Variants in INTS1 observed in about 807,000 individuals in gnomAD.
The protein encoded by INTS1 is integrator complex subunit 1.
INTS1 carries 137 observed loss-of-function variants against 241.6 expected under a neutral mutation model. The ratio of observed to expected loss-of-function variants is 0.57; its 90% CI spans 0.49 to 0.65. The LOEUF (loss-of-function observed/expected upper bound fraction) is 0.65. Among genes scored for constraint, INTS1 ranks in the 30% least tolerant of loss-of-function variants. The probability of loss-of-function intolerance (pLI) is 0.00; values close to 1 mark genes in which losing one functional copy is unlikely to be tolerated. For synonymous variants in INTS1, 1,692 were observed against 1,337.8 expected (o/e 1.26, Z -5.78); for missense variants, 3,073 against 3,032.2 (o/e 1.01, Z -0.32).
Position 1,476,573 on chromosome 7 carries a change from C to A in INTS1, c.5148G>T (p.Pro1716=). 1 of 1,612,550 alleles carries A rather than the reference C, an allele frequency of 6.2e-7. No homozygotes were observed. The highest frequency in any genetic ancestry group is 8.5e-7 in the Non-Finnish European group (1 of 1,179,838). The change falls in exon 37 of 48, where the codon CCG becomes CCT. Residue 1716 remains proline (P), a synonymous_variant. Coordinates refer to ENST00000404767, the MANE Select transcript of INTS1 (RefSeq NM_001080453.3). ...GGGCCACCCTCCCAAGACCTGCCTG[C>A]GGGGTGCGCTGGTCCCGCCCCTGCC... ...RIWQGRDQRT[P]QKRREELVLR... is the part of the protein sequence containing the mutation.
At position 1,497,571 on chromosome 7, in the gene INTS1, G is replaced by A. The variant is rs1479333108; in HGVS notation, c.1426-257C>T. Among the ~76,000 whole-genome samples the A allele has an allele frequency of 1.3e-5, 2 of 152,174 alleles. No homozygotes were observed. Among genetic ancestry groups the A allele is most frequent in the Non-Finnish European group, 2.9e-5 (2 of 68,030 alleles). ...AAATGAGGAGGATTAATTAACGGAAGCTGGGGGTGCGGGACACCAGGCGGC... is the reference window on the plus strand; with the variant it reads ...AAATGAGGAGGATTAATTAACGGAAACTGGGGGTGCGGGACACCAGGCGGC... On this transcript the variant is annotated intron_variant, in intron 10 of 47. Transcript: ENST00000404767. This position sits in a 1 kb window ranked among gnomAD's most constrained non-coding sequence, Gnocchi z 5.3.
At chr7:1,472,130 G>T (rs1781498090) in intron 44 of INTS1, 143 bp downstream of exon 44, 2 of 661,312 alleles carry the variant, frequency 3.0e-6, no homozygotes. Context: ...GCTCCCCACT[G>T]TGAGGAACAG....
chr7:1,500,522 G>T (rs1429440995), intron 3 of INTS1, among the ~76,000 whole-genome samples, 156 bp from the exon 4 acceptor site: 2 of 152,114 alleles, frequency 1.3e-5, no homozygotes. Flanking sequence ...CAGCGGACAA[G>T]CACCCCACCA....
Position 1,480,128 on chromosome 7 carries a change from T to C in INTS1, c.4074+189A>G, listed in dbSNP as rs146953624. On this transcript the variant is annotated intron_variant, in intron 30 of 47. Transcript: ENST00000404767. ...TTGGCCTAGCCTCCATCTGAGAGCATGGGGGTGTTACGTGAAAGCAGCGTG... is the reference window on the plus strand; with the variant it reads ...TTGGCCTAGCCTCCATCTGAGAGCACGGGGGTGTTACGTGAAAGCAGCGTG... 2.0e-5 allele frequency among the ~76,000 whole-genome samples: 3 copies of C among 152,268 alleles called. No homozygotes were observed. In the East Asian group the frequency reaches 5.8e-4, roughly 29 times the overall value.
Position 1,470,861 on chromosome 7 carries a change from C to G in INTS1, c.6442G>C (p.Ala2148Pro). ...CAGTCCTCACCTTGGCACAGGAGAGCGTACTCAGGCAGGTTCCGGAGGGCC... is the reference window on the plus strand; with the variant it reads ...CAGTCCTCACCTTGGCACAGGAGAGGGTACTCAGGCAGGTTCCGGAGGGCC... ...QTALRNLPEY[A>P]LLCQEHAAVL... Residue 2148 changes from alanine (A) to proline (P), a missense_variant, in exon 47 of 48, where the codon GCT (alanine) becomes CCT (proline). Ala to Pro is a conservative substitution (Grantham distance 27). Transcript: ENST00000404767. 6.3e-7 allele frequency: 1 copy of G among 1,591,164 alleles called. No homozygotes were observed. Among genetic ancestry groups the G allele is most frequent in the Non-Finnish European group, 8.5e-7 (1 of 1,169,716 alleles).
intron 16 of INTS1, among the ~76,000 whole-genome samples, chr7:1,492,339 C>G (rs1184036096): frequency 6.6e-6 from 1 of 152,120 alleles, no homozygotes; most frequent in Non-Finnish European, 1.5e-5. Context: ...GGAGGCTGGT[C>G]ACAAGATCAT....
Position 1,481,457 on chromosome 7 carries a change from C to T in INTS1, c.3735G>A (p.Leu1245=), listed in dbSNP as rs1562495059. Reference sequence around the variant, plus strand: ...GGATGCCAAACGACTGCACGAACAGCAGCAGCTGCTGCGGCTCCAGGTCCT... The same window carrying T: ...GGATGCCAAACGACTGCACGAACAGTAGCAGCTGCTGCGGCTCCAGGTCCT... ...ALQDLEPQQL[L]LFVQSFGIPV... Residue 1245 remains leucine, a synonymous_variant, in exon 28 of 48, where the codon CTG becomes CTA. Transcript: ENST00000404767. The surrounding 1 kb of genome is among the most constrained non-coding windows in gnomAD (Gnocchi z 6.8). The T allele has an allele frequency of 1.2e-6, 2 of 1,611,274 alleles. No individual in the cohort carries two copies. The highest frequency in any genetic ancestry group is 4.5e-5 in the East Asian group (2 of 44,838).
Position 1,474,239 on chromosome 7 carries a change from G to C in INTS1, c.5758C>G (p.Pro1920Ala). Residue 1920 changes from proline to alanine, a missense_variant, in exon 41 of 48, where the codon CCG (proline) becomes GCG (alanine). Physicochemically the swap from Pro to Ala is conservative, Grantham distance 27. Transcript: ENST00000404767. ...TGGTGCTCGCTGCGGAACACGTGCG[G>C]CTGCAGCAGCTCCAGCAGGCCCAGC... Reference protein sequence around the residue: ...HVLGLLELLQPHVFRSEHQGA... With the variant: ...HVLGLLELLQAHVFRSEHQGA... The C allele has an allele frequency of 1.2e-6, 2 of 1,603,662 alleles. No homozygotes were observed. Among genetic ancestry groups the C allele is most frequent in the Non-Finnish European group, 1.7e-6 (2 of 1,176,878 alleles).
In INTS1 at chr7:1,484,023, C is replaced by T. The variant is rs1180409255; in HGVS notation, c.3409G>A (p.Gly1137Ser). Reference protein sequence around the residue: ...YVRRMRQSKEGEEVYSWSESQ... With the variant: ...YVRRMRQSKESEEVYSWSESQ... Reference sequence around the variant, plus strand: ...CTCACCCAGCTGTAGACCTCCTCGCCCTCCTTGCTCTGCCGCATGCGCCTC... The same window carrying T: ...CTCACCCAGCTGTAGACCTCCTCGCTCTCCTTGCTCTGCCGCATGCGCCTC... The change falls in exon 25 of 48, where the codon GGC (glycine) becomes AGC (serine). Residue 1137 changes from glycine (G) to serine (S), a missense_variant. By Grantham distance (56) the Gly-to-Ser change is moderately conservative. Coordinates refer to ENST00000404767, the MANE Select transcript of INTS1 (RefSeq NM_001080453.3). 2.5e-6 allele frequency: 4 copies of T among 1,609,694 alleles called. No homozygotes were observed. Among genetic ancestry groups the T allele is most frequent in the Non-Finnish European group, 2.5e-6 (3 of 1,178,218 alleles).
At chr7:1,474,499 G>A in intron 40 of INTS1, 139 bp from the exon 41 acceptor site, 1 of 1,154,690 alleles carries the variant, frequency 8.7e-7, no homozygotes, top group Non-Finnish European at 1.2e-6. Flanking sequence ...AGGAGGTGGG[G>A]ATGAGATCGC....
intron 3 of INTS1, chr7:1,500,866 T>C (rs55738771): frequency 0.52 from 80,687 of 155,012 alleles, 22,352 homozygotes; most frequent in African/African-American, 0.72. Context: ...CCACATCCTC[T>C]GAGGAGCACC....
Position 1,474,724 on chromosome 7 carries a change from G to C in INTS1, c.5617C>G (p.His1873Asp), listed in dbSNP as rs190550247. Reference sequence around the variant, plus strand: ...CAGCACCTGAGCAGCAGCAGCGGGTGCGCCACCGCCAGCTTCCGGCAGGCC... The same window carrying C: ...CAGCACCTGAGCAGCAGCAGCGGGTCCGCCACCGCCAGCTTCCGGCAGGCC... ...SMACRKLAVAHPLLLLRHLPM... is the reference protein window; with the variant it reads ...SMACRKLAVADPLLLLRHLPM... Residue 1873 changes from histidine (H) to aspartate (D), a missense_variant, in exon 40 of 48, where the codon CAC (histidine) becomes GAC (aspartate). Transcript: ENST00000404767. 1.3e-6 allele frequency: 2 copies of C among 1,561,498 alleles called. No homozygotes were observed. Among genetic ancestry groups the C allele is most frequent in the Non-Finnish European group, 1.7e-6 (2 of 1,154,982 alleles).
Position 1,474,846 on chromosome 7 carries a change from G to A in INTS1, c.5503-8C>T, listed in dbSNP as rs1039185602. 4.4e-6 allele frequency: 7 copies of A among 1,580,436 alleles called. No homozygotes were observed. The highest frequency in any genetic ancestry group is 2.7e-5 in the African/African-American group (2 of 74,226). ...GTGGATGAGTCCGTCCAGCTGCAGG[G>A]AGGGGCGCTCTGAGGCCGGGGCCGC... is the stretch of plus-strand genomic sequence containing the variant. On this transcript the variant is annotated splice_polypyrimidine_tract_variant and splice_region_variant and intron_variant, in intron 39 of 47. Coordinates refer to ENST00000404767, the MANE Select transcript of INTS1 (RefSeq NM_001080453.3).
chr7:1,478,810 T>A lies in INTS1; in HGVS notation c.4405A>T (p.Ser1469Cys), dbSNP rs774399647. The A allele has an allele frequency of 3.1e-6, 5 of 1,608,528 alleles. No homozygotes were observed. The highest frequency in any genetic ancestry group is 4.2e-6 in the Non-Finnish European group (5 of 1,178,210). Residue 1469 changes from serine (S) to cysteine (C), a missense_variant, in exon 32 of 48, where the codon AGC becomes TGC. Ser to Cys is a moderately radical substitution (Grantham distance 112). Coordinates refer to ENST00000404767, the MANE Select transcript of INTS1 (RefSeq NM_001080453.3). The stretch of plus-strand genomic sequence containing the variant: ...AGGGGCCCGCCCTCCACGCCAGGGC[T>A]GTCCAGCCACTGCAGCATCTGCAGG... ...VLLQMLQWLDSPGVEGGPLRA... is the reference protein window; with the variant it reads ...VLLQMLQWLDCPGVEGGPLRA...
At chr7:1,486,464 C>T (rs376068499) in intron 22 of INTS1, among the ~76,000 whole-genome samples, 161 bp downstream of exon 22, 4 of 149,328 alleles carry the variant, frequency 2.7e-5, no homozygotes, top group African/African-American at 7.4e-5. Flanking sequence ...GGGATTTCAC[C>T]ATGTTGGCCA....
intron 22 of INTS1, among the ~76,000 whole-genome samples, chr7:1,485,814 C>A (rs1345182651): frequency 6.6e-6 from 1 of 152,182 alleles, no homozygotes; most frequent in Non-Finnish European, 1.5e-5. Flanking sequence ...TTGATTTTTA[C>A]TTTTCCTTTT....
At chr7:1,487,485 CCT>C in intron 19 of INTS1, 36 bp from the exon 20 acceptor site, 1 of 1,598,852 alleles carries the variant, frequency 6.3e-7, no homozygotes, top group African/African-American at 1.3e-5. Flanking sequence ...GTCAGCACGC[CCT>C]GAGCGGATCA....
rs754724189 is a variant in INTS1 at position 1,486,960 on chromosome 7, C to A, written c.2788G>T (p.Glu930Ter). 1.9e-5 allele frequency: 30 copies of A among 1,607,760 alleles called. No individual in the cohort carries two copies. Among genetic ancestry groups the A allele is most frequent in the Non-Finnish European group, 1.6e-5 (19 of 1,179,258 alleles). ...DDAASGEEDD[E>*]GESKEQKAKK... ...GCCTTCTGCTCCTTGCTCTCGCCCTCGTCGTCCTCCTCCCCGGAAGCAGCA... is the reference window on the plus strand; with the variant it reads ...GCCTTCTGCTCCTTGCTCTCGCCCTAGTCGTCCTCCTCCCCGGAAGCAGCA... Residue 930 changes from glutamate (E) to a stop codon, truncating the protein, a stop_gained, in exon 21 of 48, where the codon GAG becomes TAG. Transcript: ENST00000404767. LOFTEE classifies it high-confidence loss of function.
intron 40 of INTS1, among the ~76,000 whole-genome samples, 161 bp from the exon 41 acceptor site, chr7:1,474,521 G>A (rs914129439): frequency 1.3e-5 from 2 of 152,206 alleles, no homozygotes; most frequent in Non-Finnish European, 2.9e-5. Context: ...CCTCTCTGAG[G>A]CCCACCCAGC....
Sources: gnomAD v4.1 joint callset for allele counts (sites outside exome capture counted in the v4.1 genomes callset) on GRCh38, gnomAD v4.1.1 for gene constraint, Gnocchi (gnomAD v3.1) non-coding constraint, MANE v1.5 for transcripts, NCBI Gene and HGNC (gene_info 2026-07-23, HGNC 2026-07-21) for gene names.